Variants in RALGPS2 observed in about 807,000 individuals in gnomAD.
RALGPS2 encodes ras-specific guanine nucleotide-releasing factor RalGPS2.
RALGPS2 carries 43 observed loss-of-function variants against 86.8 expected under a neutral mutation model. The ratio of observed to expected loss-of-function variants is 0.50; its 90% CI spans 0.39 to 0.64. The LOEUF (loss-of-function observed/expected upper bound fraction) is 0.64, where lower values mean the gene tolerates loss of function less well. RALGPS2 is among the 30% of genes least tolerant of loss of function. RALGPS2 has a pLI of 0.00. For synonymous variants in RALGPS2, 243 were observed against 231.3 expected (o/e 1.05, Z -0.46); for missense variants, 536 against 694.6 (o/e 0.77, Z 2.57).
intron 4 of RALGPS2, among the ~76,000 whole-genome samples, chr1:178,803,015 A>G (rs913651172): frequency 6.6e-6 from 1 of 152,110 alleles, no homozygotes; most frequent in Non-Finnish European, 1.5e-5. Context: ...GTTCAAACCC[A>G]TGTTGTTCAA....
At chr1:178,909,638 T>C (rs1453300611) in intron 19 of RALGPS2, among the ~76,000 whole-genome samples, 2 of 146,188 alleles carry the variant, frequency 1.4e-5, no homozygotes, top group Admixed American at 6.8e-5. Flanking sequence ...TCTTTTTCTT[T>C]TTTAATTTTT....
chr1:178,838,443 A>G (rs931603672), intron 8 of RALGPS2, among the ~76,000 whole-genome samples: 1 of 152,250 alleles, frequency 6.6e-6, no homozygotes, highest in Non-Finnish European at 1.5e-5. Flanking sequence ...GCAAACTCCA[A>G]CAGACCTGCA....
intron 7 of RALGPS2, among the ~76,000 whole-genome samples, chr1:178,833,048 T>C (rs1656102152): frequency 6.6e-6 from 1 of 152,108 alleles, no homozygotes; most frequent in Non-Finnish European, 1.5e-5. Flanking sequence ...GCAAGAATGA[T>C]GTTTATCTTT....
intron 5 of RALGPS2, among the ~76,000 whole-genome samples, chr1:178,809,331 G>A (rs563875088): frequency 6.6e-6 from 1 of 152,020 alleles, no homozygotes; most frequent in South Asian, 2.1e-4. Flanking sequence ...AAATGGAGGA[G>A]CGGAGAGGTG....
intron 1 of RALGPS2, among the ~76,000 whole-genome samples, chr1:178,752,347 G>A (rs905374889): frequency 5.3e-5 from 8 of 151,030 alleles, no homozygotes; most frequent in African/African-American, 2.0e-4. Context: ...ATTGGTGGCG[G>A]GGGGGAGGGT....
At position 178,825,284 on chromosome 1, in the gene RALGPS2, A is replaced by G. The variant is rs536025435; in HGVS notation, c.480+3580A>G. Among the ~76,000 whole-genome samples, 4 of 152,278 alleles carry G rather than the reference A, an allele frequency of 2.6e-5. No individual in the cohort carries two copies. In the South Asian group the frequency reaches 8.3e-4, roughly 32 times the overall value. ...TTAAGGGTAGCACAAGAGGTGAAAG[A>G]CGGAAAATATGAGAGTTGTTTTATT... On this transcript the variant is annotated intron_variant, in intron 7 of 19. Coordinates refer to ENST00000367635, the MANE Select transcript of RALGPS2 (RefSeq NM_152663.5).
intron 19 of RALGPS2, among the ~76,000 whole-genome samples, chr1:178,910,686 G>A (rs1240584483): frequency 1.3e-5 from 2 of 152,066 alleles, no homozygotes; most frequent in African/African-American, 2.4e-5. Flanking sequence ...GAGAATTTTT[G>A]TGTCTGTTCA....
At chr1:178,775,523 C>G (rs1653035441) in intron 1 of RALGPS2, among the ~76,000 whole-genome samples, 1 of 152,104 alleles carries the variant, frequency 6.6e-6, no homozygotes, top group Non-Finnish European at 1.5e-5. Context: ...GGAAGAAATT[C>G]TGTCCTAGAG....
chr1:178,787,553 G>A (rs1315326524), intron 4 of RALGPS2, among the ~76,000 whole-genome samples: 1 of 152,126 alleles, frequency 6.6e-6, no homozygotes, highest in Non-Finnish European at 1.5e-5. Flanking sequence ...CAAGTGCTTA[G>A]TAGCCATTGG....
At position 178,883,525 on chromosome 1, in the gene RALGPS2, A is replaced by G. The variant is rs1485446607; in HGVS notation, c.896A>G (p.Asp299Gly). Residue 299 changes from aspartate (D) to glycine (G), a missense_variant, in exon 11 of 20, where the codon GAT (aspartate) becomes GGT (glycine). This residue lies in a region of RALGPS2 where 309 missense variants were observed against 363.0 expected (regional missense o/e 0.85). Coordinates refer to ENST00000367635, the MANE Select transcript of RALGPS2 (RefSeq NM_152663.5). The part of the protein sequence containing the change: ...STPRSAASRE[D>G]LVGPEVGASP... ...CCACGTTCTGCTGCTTCCAGAGAAG[A>G]TTTAGTAGGTCAGTACGTAGTTTTC... 5 of 1,611,128 alleles carry G rather than the reference A, an allele frequency of 3.1e-6. No homozygotes were observed. The highest frequency in any genetic ancestry group is 1.7e-5 in the Admixed American group (1 of 60,018).
At chr1:178,872,171 A>G (rs965917677) in intron 8 of RALGPS2, among the ~76,000 whole-genome samples, 1 of 152,076 alleles carries the variant, frequency 6.6e-6, no homozygotes, top group African/African-American at 2.4e-5. Context: ...TCCCTTCCTT[A>G]TTGCTGTAGC....
rs536828554 is a variant in RALGPS2, at chr1:178,865,983, C to T, written c.608-11515C>T. Among the ~76,000 whole-genome samples the T allele has an allele frequency of 1.8e-4, 27 of 152,206 alleles. No homozygotes were observed. The South Asian group carries it at 4.8e-3, about 27-fold the overall frequency. On this transcript the variant is annotated intron_variant, in intron 8 of 19. Transcript: ENST00000367635. ...TTAATATTAAGTTGTAATACTTTGG[C>T]ATTTGTTTAAAGATTAGGTTTCAGA...
intron 7 of RALGPS2, among the ~76,000 whole-genome samples, chr1:178,830,819 C>T (rs560041197): frequency 6.6e-6 from 1 of 151,922 alleles, no homozygotes; most frequent in African/African-American, 2.4e-5. Context: ...ATGCAGTGGG[C>T]GGAAGATATG....
At chr1:178,752,320 T>A (rs1651723025) in intron 1 of RALGPS2, among the ~76,000 whole-genome samples, 1 of 151,178 alleles carries the variant, frequency 6.6e-6, no homozygotes, top group African/African-American at 2.4e-5. Flanking sequence ...ATTTTTAATT[T>A]TTTTTTTTTT....
intron 8 of RALGPS2, among the ~76,000 whole-genome samples, chr1:178,837,492 T>G (rs1047541033): frequency 1.3e-5 from 2 of 152,124 alleles, no homozygotes; most frequent in African/African-American, 4.8e-5. Context: ...TCTCATATTC[T>G]CTAGTAAAAT....
In RALGPS2 at chr1:178,770,837, TG is replaced by T. The variant is rs1373750556; in HGVS notation, c.-83-5844del. Among the ~76,000 whole-genome samples, 13 of 146,206 alleles carry T rather than the reference TG, an allele frequency of 8.9e-5. No homozygotes were observed. The East Asian group carries it at 1.8e-3, about 20-fold the overall frequency. On this transcript the variant is annotated intron_variant, in intron 1 of 19. Transcript: ENST00000367635. The stretch of plus-strand genomic sequence containing the variant: ...AAACAAAGTTTTTTTATGTTGTTGT[TG>T]TTTTTTTTTTTTTTTTTGAGACGGA...
chr1:178,744,227 A>G (rs1245412020), intron 1 of RALGPS2, among the ~76,000 whole-genome samples: 1 of 152,242 alleles, frequency 6.6e-6, no homozygotes, highest in Non-Finnish European at 1.5e-5. Flanking sequence ...GTAATTCACT[A>G]CATTAAGTAA....
At chr1:178,839,326 C>G (rs968604408) in intron 8 of RALGPS2, among the ~76,000 whole-genome samples, 1 of 152,326 alleles carries the variant, frequency 6.6e-6, no homozygotes, top group African/African-American at 2.4e-5. Context: ...TGCAGAAACT[C>G]TACAAGGCAG....
rs1215233760 is a variant in RALGPS2, at chr1:178,919,033, C to T, written c.*2674C>T. The T allele has an allele frequency of 6.6e-6, 1 of 152,020 alleles. No individual in the cohort carries two copies. Among genetic ancestry groups the T allele is most frequent in the African/African-American group, 2.4e-5 (1 of 41,442 alleles). The allele number at this position is 152,020 out of a possible 1,614,324, so 9.4% of individuals were successfully genotyped here. A position where few individuals can be genotyped will look rare whatever the true frequency, so the allele number is the denominator to read the frequency against. ...TCAATTTAAGCCTGTTTATGATAAG[C>T]ATAATGATTGGCATGTTATATAGCC... is the stretch of plus-strand genomic sequence containing the variant. On this transcript the variant is annotated 3_prime_UTR_variant, in exon 20 of 20. Coordinates refer to ENST00000367635, the MANE Select transcript of RALGPS2 (RefSeq NM_152663.5).
Sources: allele counts gnomAD v4.1 joint callset (sites outside exome capture counted in the v4.1 genomes callset), GRCh38; gene constraint gnomAD v4.1.1; regional missense constraint gnomAD v4.1.1; transcripts MANE v1.5; gene names NCBI Gene and HGNC (gene_info 2026-07-23, HGNC 2026-07-21).